Variants in BLTP1 observed in about 807,000 individuals in gnomAD.
The protein encoded by BLTP1 is fragile site-associated protein.
the BLTP1 span, chr4:122,292,011 G>T: frequency 1.9e-5 from 3 of 161,058 alleles, no homozygotes; most frequent in South Asian, 2.1e-4. Context: ...GCACTTTGTC[G>T]CCAGGCTGGA....
the BLTP1 span, among the ~76,000 whole-genome samples, chr4:122,278,899 G>A: frequency 5.3e-5 from 8 of 152,280 alleles, no homozygotes; most frequent in Admixed American, 2.0e-4. Context: ...CAAAGTGTTG[G>A]GATTACAGGT....
At chr4:122,321,300 G>C in the BLTP1 span, among the ~76,000 whole-genome samples, 2 of 151,904 alleles carry the variant, frequency 1.3e-5, no homozygotes, top group South Asian at 4.2e-4. Flanking sequence ...ATGGGCAGTG[G>C]GAGTACCTTA....
chr4:122,220,772 A>G, the BLTP1 span, among the ~76,000 whole-genome samples: 1 of 152,190 alleles, frequency 6.6e-6, no homozygotes, highest in Non-Finnish European at 1.5e-5. Context: ...AAAATTAACT[A>G]TATAAAATGT....
the BLTP1 span, chr4:122,315,574 T>TA: frequency 6.2e-7 from 1 of 1,614,104 alleles, no homozygotes; most frequent in South Asian, 1.1e-5. Context: ...GCAATACTCT[T>TA]ACAACACTGA....
the BLTP1 span, among the ~76,000 whole-genome samples, chr4:122,340,351 A>G: frequency 3.3e-5 from 5 of 152,242 alleles, no homozygotes; most frequent in South Asian, 8.3e-4. Flanking sequence ...TTTTTGAGAG[A>G]GGCATGAAGA....
At chr4:122,308,197 C>T in the BLTP1 span, 1 of 1,604,872 alleles carries the variant, frequency 6.2e-7, no homozygotes, top group Middle Eastern at 1.7e-4. Context: ...GATTAAGAGC[C>T]AGGCATTTCT....
the BLTP1 span, among the ~76,000 whole-genome samples, chr4:122,300,151 G>A: frequency 2.0e-5 from 3 of 152,028 alleles, no homozygotes; most frequent in South Asian, 2.1e-4. Context: ...TGGGATTACA[G>A]GTGCCCACCA....
chr4:122,361,971 C>A, the BLTP1 span: 9 of 1,569,472 alleles, frequency 5.7e-6, no homozygotes, highest in African/African-American at 2.7e-5. Context: ...CTTTTCCTAC[C>A]ATTAGAACCA....
the BLTP1 span, chr4:122,270,442 C>T: frequency 1.6e-6 from 1 of 630,624 alleles, no homozygotes; most frequent in Non-Finnish European, 2.0e-6. Flanking sequence ...TTAAAATTTA[C>T]TATAATAGTC....
At chr4:122,346,802 C>T in the BLTP1 span, 1 of 1,595,576 alleles carries the variant, frequency 6.3e-7, no homozygotes, top group African/African-American at 1.3e-5. Context: ...ACTGTAGCAG[C>T]AAGACCTACA....
chr4:122,305,497 A>G, the BLTP1 span: 2 of 982,558 alleles, frequency 2.0e-6, no homozygotes, highest in South Asian at 4.7e-5. Context: ...TTGAAGAACC[A>G]AGTAGAAAAA....
chr4:122,349,124 C>G, the BLTP1 span: 1 of 1,556,620 alleles, frequency 6.4e-7, no homozygotes, highest in South Asian at 1.2e-5. The surrounding 1 kb of genome is among the most constrained non-coding windows in gnomAD (Gnocchi z 4.5). Context: ...ACACTGGAAG[C>G]TATATATATA....
At chr4:122,199,913 G>A in the BLTP1 span, 48 of 978,644 alleles carry the variant, frequency 4.9e-5, no homozygotes, top group Non-Finnish European at 5.6e-5. Context: ...ATTATAAAGA[G>A]AAACAATATG....
the BLTP1 span, among the ~76,000 whole-genome samples, chr4:122,284,070 TGTG>T: frequency 6.6e-6 from 1 of 152,220 alleles, no homozygotes; most frequent in African/African-American, 2.4e-5. Flanking sequence ...CTAGGTATCT[TGTG>T]GTGTTGTAGC....
the BLTP1 span, chr4:122,355,662 A>AT: frequency 4.5e-6 from 3 of 669,930 alleles, no homozygotes; most frequent in Admixed American, 1.1e-4. Flanking sequence ...TATATGTAGT[A>AT]TATCTATATA....
the BLTP1 span, chr4:122,197,624 G>A: frequency 4.2e-3 from 817 of 195,950 alleles, 11 homozygotes; most frequent in African/African-American, 0.017. Context: ...GCTGAACCCT[G>A]TACCAGACGT....
At chr4:122,226,500 C>T in the BLTP1 span, 1 of 1,331,396 alleles carries the variant, frequency 7.5e-7, no homozygotes, top group Non-Finnish European at 9.6e-7. Context: ...TGCATTTTGT[C>T]ATTCATAAAG....
chr4:122,162,609 A>T, the BLTP1 span: 8 of 985,266 alleles, frequency 8.1e-6, no homozygotes, highest in African/African-American at 1.7e-5. Context: ...CCTCTCATCC[A>T]TAATTCCTTT....
At chr4:122,328,810 G>T in the BLTP1 span, 2 of 959,136 alleles carry the variant, frequency 2.1e-6, no homozygotes, top group Non-Finnish European at 2.5e-6. Flanking sequence ...TGGTGTTAAT[G>T]AAATAAATGA....
Sources: allele counts gnomAD v4.1 joint callset (sites outside exome capture counted in the v4.1 genomes callset), GRCh38; gene constraint gnomAD v4.1.1; non-coding constraint Gnocchi (gnomAD v3.1); transcripts MANE v1.5; gene names NCBI Gene and HGNC (gene_info 2026-07-23, HGNC 2026-07-21).